Variants in CHRNA3 observed in about 807,000 individuals in gnomAD.
CHRNA3 encodes the protein neuronal acetylcholine receptor subunit alpha-3.
CHRNA3 carries 34 observed loss-of-function variants against 41.9 expected under a neutral mutation model. The ratio of observed to expected loss-of-function variants is 0.81; its 90% CI spans 0.62 to 1.08. The LOEUF is 1.08. CHRNA3 is among the 50% of genes least tolerant of loss of function. The pLI, the probability that CHRNA3 is intolerant of heterozygous loss-of-function variation, is 0.00. For synonymous variants in CHRNA3, 281 were observed against 265.2 expected (o/e 1.06, Z -0.58); for missense variants, 542 against 638.3 (o/e 0.85, Z 1.63).
In CHRNA3 at chr15:78,618,792, G is replaced by C. The variant is rs771098760; in HGVS notation, c.206C>G (p.Ser69Cys). 1 of 1,614,150 alleles carries C rather than the reference G, an allele frequency of 6.2e-7. No homozygotes were observed. The highest frequency in any genetic ancestry group is 8.5e-7 in the Non-Finnish European group (1 of 1,180,052). Residue 69 changes from serine to cysteine, a missense_variant, in exon 2 of 6, where the codon TCT becomes TGT. Ser to Cys is a moderately radical substitution (Grantham distance 112). Transcript: ENST00000326828. ...PVIIHFEVSM[S>C]QLVKVDEVNQ... ...AGCACTCACCACCTTCACCAGCTGA[G>C]ACATGGACACCTCGAAATGGATGAT...
In CHRNA3 at chr15:78,596,745, A is replaced by ATGAT. The variant is rs569756870; in HGVS notation, c.1390-17_1390-14dup. 5.0e-5 allele frequency: 80 copies of ATGAT among 1,591,712 alleles called. 1 individual carries two copies. The highest frequency in any genetic ancestry group is 4.4e-4 in the South Asian group (38 of 86,376). On this transcript the variant is annotated splice_polypyrimidine_tract_variant and intron_variant, in intron 5 of 5. Coordinates refer to ENST00000326828, the MANE Select transcript of CHRNA3 (RefSeq NM_000743.5). ...AATCATCTTGAATCTGCAAAACAAAATGATAAAAGAAAAAAAACATGGAGG... is the reference window on the plus strand; with the variant it reads ...AATCATCTTGAATCTGCAAAACAAAATGATTGATAAAAGAAAAAAAACATGGAGG...
At chr15:78,618,286 G>T (rs1026517615) in intron 3 of CHRNA3, 41 of 296,592 alleles carry the variant, frequency 1.4e-4, no homozygotes, top group Middle Eastern at 2.2e-3. Flanking sequence ...AGAGAAGGAG[G>T]TGTCTCAGGC....
At position 78,601,547 on chromosome 15, in the gene CHRNA3, G is replaced by T; in HGVS notation, c.1095C>A (p.Asn365Lys). ...CGTAGAGGGGCCTCGGCTTCTGAGC[G>T]TTGCCCTCGTTGCTTGTTGGCCTGG... ...FMTRPTSNEG[N>K]AQKPRPLYGA... The change falls in exon 5 of 6, where the codon AAC becomes AAA. Residue 365 changes from asparagine to lysine, a missense_variant. By Grantham distance (94) the Asn-to-Lys change is moderately conservative. Transcript: ENST00000326828. 1 of 1,614,168 alleles carries T rather than the reference G, an allele frequency of 6.2e-7. No individual in the cohort carries two copies. Among genetic ancestry groups the T allele is most frequent in the South Asian group, 1.1e-5 (1 of 91,074 alleles).
intron 4 of CHRNA3, among the ~76,000 whole-genome samples, chr15:78,606,707 AAC>A (rs201850493): frequency 0.012 from 1,889 of 151,736 alleles, 32 homozygotes; most frequent in African/African-American, 0.042. Flanking sequence ...CATCCTGGCT[AAC>A]ACAGTGAAAC....
At chr15:78,613,627 G>A (rs1044088106) in intron 4 of CHRNA3, among the ~76,000 whole-genome samples, 28 of 150,142 alleles carry the variant, frequency 1.9e-4, no homozygotes, top group African/African-American at 6.4e-4. Context: ...GCTAAATGAC[G>A]AGTTAATGGG....
chr15:78,600,789 A>G (rs1229631031), intron 5 of CHRNA3, among the ~76,000 whole-genome samples: 3 of 151,834 alleles, frequency 2.0e-5, no homozygotes, highest in African/African-American at 7.3e-5. Context: ...GAATCGCTTG[A>G]GCTGGGAGGC....
At chr15:78,620,317 G>A (rs2053529442) in intron 1 of CHRNA3, 1 of 209,752 alleles carries the variant, frequency 4.8e-6, no homozygotes, top group Non-Finnish European at 9.5e-6. Flanking sequence ...GGAGGTGGGC[G>A]GGATGCAGAC....
chr15:78,593,478 TATCTG>T (rs2053045496), downstream of CHRNA3: 1 of 350,840 alleles, frequency 2.9e-6, no homozygotes, highest in Non-Finnish European at 5.1e-6. Flanking sequence ...AGCAAAATAT[TATCTG>T]AACTGGACTA....
chr15:78,601,831 C>T lies in CHRNA3; in HGVS notation c.811G>A (p.Glu271Lys), dbSNP rs1432491435. Residue 271 changes from glutamate to lysine, a missense_variant, in exon 5 of 6, where the codon GAG becomes AAG. Glu to Lys is a moderately conservative substitution (Grantham distance 56, BLOSUM62 1). Transcript: ENST00000326828. ...ACAGAAATGCACAGGGTCACCTTCT[C>T]ACCGCAGTCGGAGGGCAGGTAGAAG... ...LVFYLPSDCGEKVTLCISVLL... is the reference protein window; with the variant it reads ...LVFYLPSDCGKKVTLCISVLL... 8 of 1,614,122 alleles carry T rather than the reference C, an allele frequency of 5.0e-6. No individual in the cohort carries two copies. Among genetic ancestry groups the T allele is most frequent in the Admixed American group, 3.3e-5 (2 of 60,014 alleles).
Position 78,601,814 on chromosome 15 carries a change from G to A in CHRNA3, c.828C>T (p.Cys276=). ...PSDCGEKVTL[C]ISVLLSLTVF... ...CCGTCAGGGAGAGGAGGACAGAAAT[G>A]CACAGGGTCACCTTCTCACCGCAGT... The change falls in exon 5 of 6, where the codon TGC becomes TGT. Residue 276 remains cysteine, a synonymous_variant. Coordinates refer to ENST00000326828, the MANE Select transcript of CHRNA3 (RefSeq NM_000743.5). 1 of 1,614,138 alleles carries A rather than the reference G, an allele frequency of 6.2e-7. No individual in the cohort carries two copies. Among genetic ancestry groups the A allele is most frequent in the Non-Finnish European group, 8.5e-7 (1 of 1,180,030 alleles).
In CHRNA3 at chr15:78,596,430, T is replaced by C; in HGVS notation, c.*174A>G. 1.6e-6 allele frequency: 2 copies of C among 1,284,718 alleles called. No homozygotes were observed. The highest frequency in any genetic ancestry group is 5.1e-5 in the South Asian group (2 of 39,152). 79.6% of individuals were successfully genotyped at this position (1,284,718 alleles called of 1,614,324 possible). On this transcript the variant is annotated 3_prime_UTR_variant, in exon 6 of 6. Coordinates refer to ENST00000326828, the MANE Select transcript of CHRNA3 (RefSeq NM_000743.5). ...TAAATGTTCATTTATCGGTAATAAA[T>C]ACTCTTGACATTTTTTTTTTTGCAT...
chr15:78,596,197 C>T lies in CHRNA3; in HGVS notation c.*407G>A. ...GGATTGCTGAATTAGTATAAACCTT[C>T]AAAGAGATTATGGGCTAAATAAGAA... On this transcript the variant is annotated 3_prime_UTR_variant, in exon 6 of 6. Coordinates refer to ENST00000326828, the MANE Select transcript of CHRNA3 (RefSeq NM_000743.5). 1 of 986,728 alleles carries T rather than the reference C, an allele frequency of 1.0e-6. No homozygotes were observed. The highest frequency in any genetic ancestry group is 1.2e-6 in the Non-Finnish European group (1 of 830,908). 61.1% of individuals were successfully genotyped at this position (986,728 alleles called of 1,614,324 possible).
At chr15:78,616,666 C>T (rs1325563681) in intron 4 of CHRNA3, among the ~76,000 whole-genome samples, 10 of 152,126 alleles carry the variant, frequency 6.6e-5, no homozygotes. Context: ...CTTGGCTGCC[C>T]ATGACATACT....
In CHRNA3 at chr15:78,617,039, A is replaced by G; in HGVS notation, c.362T>C (p.Ile121Thr). ...AGCACCTTACTTGTTATACAGCACA[A>G]TGTCTGGCTTCCAGATCTTCTGTGC... Reference protein sequence around the residue: ...VPAQKIWKPDIVLYNNAVGDF... With the variant: ...VPAQKIWKPDTVLYNNAVGDF... The change falls in exon 4 of 6, where the codon ATT becomes ACT. Residue 121 changes from isoleucine (I) to threonine (T), a missense_variant. Coordinates refer to ENST00000326828, the MANE Select transcript of CHRNA3 (RefSeq NM_000743.5). The G allele has an allele frequency of 1.9e-6, 3 of 1,613,136 alleles. No homozygotes were observed. Among genetic ancestry groups the G allele is most frequent in the Non-Finnish European group, 2.5e-6 (3 of 1,179,530 alleles).
intron 4 of CHRNA3, among the ~76,000 whole-genome samples, chr15:78,610,404 A>T: frequency 6.6e-6 from 1 of 152,168 alleles, no homozygotes; most frequent in East Asian, 1.9e-4. Flanking sequence ...TCAAACTAGA[A>T]CTCAGGATTA....
intron 4 of CHRNA3, among the ~76,000 whole-genome samples, chr15:78,610,318 G>C (rs1003908714): frequency 9.9e-5 from 15 of 152,094 alleles, no homozygotes; most frequent in African/African-American, 2.9e-4. Flanking sequence ...TGACCACATA[G>C]TTGGAAGTAA....
intron 3 of CHRNA3, among the ~76,000 whole-genome samples, chr15:78,617,559 G>A (rs972707856): frequency 1.3e-5 from 2 of 152,158 alleles, no homozygotes; most frequent in Admixed American, 6.5e-5. Flanking sequence ...AAGCAAGACT[G>A]GACTCTGAAA....
At chr15:78,613,962 AAAG>A (rs1167046888) in intron 4 of CHRNA3, among the ~76,000 whole-genome samples, 1 of 152,000 alleles carries the variant, frequency 6.6e-6, no homozygotes, top group Non-Finnish European at 1.5e-5. Context: ...GGGGGAAAAA[AAAG>A]AAGAGAAATC....
At chr15:78,598,421 G>T (rs2053145891) in intron 5 of CHRNA3, among the ~76,000 whole-genome samples, 2 of 151,410 alleles carry the variant, frequency 1.3e-5, no homozygotes, top group Non-Finnish European at 2.9e-5. Context: ...TTGAGACAGG[G>T]TCTTGCTTTG....
Sources: gnomAD v4.1 joint callset for allele counts (sites outside exome capture counted in the v4.1 genomes callset) on GRCh38, gnomAD v4.1.1 for gene constraint, MANE v1.5 for transcripts, NCBI Gene and HGNC (gene_info 2026-07-23, HGNC 2026-07-21) for gene names.